The following KDM6A variants were observed in gnomAD, a reference collection of about 807,000 sequenced individuals.
KDM6A encodes the protein lysine demethylase 6A, also known as lysine-specific demethylase 6A.
In KDM6A, 11 loss-of-function variants were observed where a neutral mutation model predicts 117.6. The ratio of observed to expected loss-of-function variants is 0.09; its 90% CI spans 0.06 to 0.15. The LOEUF is 0.15. Among genes scored for constraint, KDM6A ranks in the 10% least tolerant of loss-of-function variants. The pLI is 1.00. For missense variants in KDM6A, 799 were observed against 1,077.3 expected (o/e 0.74, Z 3.62); for synonymous variants, 384 against 396.1 (o/e 0.97, Z 0.36).
chrX:44,892,739 C>T (rs1193048071), intron 2 of KDM6A, among the ~76,000 whole-genome samples: 2 of 108,810 alleles, frequency 1.8e-5, no homozygotes, highest in Non-Finnish European at 3.8e-5. Flanking sequence ...CATGGTGGCT[C>T]ATGCCTGTAA....
intron 4 of KDM6A, among the ~76,000 whole-genome samples, chrX:44,986,936 G>A (rs974402488): frequency 9.0e-6 from 1 of 111,422 alleles, no homozygotes; most frequent in Non-Finnish European, 1.9e-5. Flanking sequence ...TCTGCTTGGT[G>A]CAGAGCTGAG....
At chrX:44,963,426 A>G (rs188458456) in intron 3 of KDM6A, among the ~76,000 whole-genome samples, 3 of 97,474 alleles carry the variant, frequency 3.1e-5, no homozygotes, top group East Asian at 6.5e-4. Flanking sequence ...ACTGCACTCC[A>G]GCCAGGGTGA....
chrX:45,063,295 G>A, intron 16 of KDM6A, 127 bp from the exon 17 acceptor site: 2 of 618,635 alleles, frequency 3.2e-6, no homozygotes, highest in Admixed American at 4.9e-5. Context: ...AAGCATTTGG[G>A]TAAAATCACA....
intron 4 of KDM6A, among the ~76,000 whole-genome samples, chrX:45,005,135 G>C (rs1229489182): frequency 1.8e-5 from 2 of 110,699 alleles, no homozygotes; most frequent in African/African-American, 6.6e-5. Context: ...CCTCACGCTG[G>C]AGTCCTTTTA....
At chrX:45,041,130 C>CCG in intron 8 of KDM6A, among the ~76,000 whole-genome samples, 1 of 78,149 alleles carries the variant, frequency 1.3e-5, no homozygotes, top group Non-Finnish European at 2.4e-5. Flanking sequence ...GGGGCTGACC[C>CCG]CCACCACCTC....
intron 2 of KDM6A, among the ~76,000 whole-genome samples, chrX:44,935,730 A>G (rs776340979): frequency 3.1e-4 from 35 of 111,889 alleles, no homozygotes; most frequent in Non-Finnish European, 6.4e-4. Context: ...ATACTTTGGC[A>G]CTATAAATAT....
intron 4 of KDM6A, among the ~76,000 whole-genome samples, chrX:45,010,459 T>G (rs1271222103): frequency 1.8e-5 from 2 of 111,062 alleles, no homozygotes; most frequent in African/African-American, 3.3e-5. Context: ...GCAAAAGGAG[T>G]CAATGATATT....
intron 4 of KDM6A, among the ~76,000 whole-genome samples, chrX:44,986,510 C>T (rs1252398818): frequency 9.0e-6 from 1 of 111,519 alleles, no homozygotes; most frequent in African/African-American, 3.3e-5. Flanking sequence ...GTTAGGGTGT[C>T]AAGTTTAGAT....
intron 2 of KDM6A, among the ~76,000 whole-genome samples, chrX:44,894,073 A>T (rs1400014974): frequency 8.9e-6 from 1 of 111,928 alleles, no homozygotes; most frequent in Non-Finnish European, 1.9e-5. Flanking sequence ...TAAGATCATG[A>T]CAAGAATATG....
rs1330629414 is a variant in KDM6A, at chrX:45,106,003, C to G, written c.4035-1407C>G. On this transcript the variant is annotated intron_variant, in intron 27 of 29. Transcript: ENST00000611820. The stretch of plus-strand genomic sequence containing the variant: ...AGGTGGAACAATTTCATCCCAAAAC[C>G]ATTCCCCCCCGCCCCTTCCCCTAGG... 4.5e-5 allele frequency among the ~76,000 whole-genome samples: 5 copies of G among 111,604 alleles called. No homozygotes were observed. In the Admixed American group the frequency reaches 4.8e-4, roughly 11 times the overall value.
At chrX:45,081,144 G>T (rs745880807) in intron 21 of KDM6A, among the ~76,000 whole-genome samples, 6 of 111,592 alleles carry the variant, frequency 5.4e-5, no homozygotes, top group Non-Finnish European at 1.1e-4. Flanking sequence ...GTTGGTCAGG[G>T]TGGTCTCGAA....
At chrX:44,988,955 T>A (rs149404624) in intron 4 of KDM6A, among the ~76,000 whole-genome samples, 114 of 109,896 alleles carry the variant, frequency 1.0e-3, no homozygotes, top group African/African-American at 3.5e-3. Context: ...GACATCTAAG[T>A]CTGCAGAGGA....
chrX:44,955,038 T>C (rs2038244457), intron 2 of KDM6A, among the ~76,000 whole-genome samples: 1 of 111,809 alleles, frequency 8.9e-6, no homozygotes, highest in Admixed American at 9.5e-5. Context: ...AGAGAATTTT[T>C]GAACAGTGCC....
chrX:44,999,614 CAT>C (rs1327172986), intron 4 of KDM6A, among the ~76,000 whole-genome samples: 5 of 111,984 alleles, frequency 4.5e-5, no homozygotes, highest in African/African-American at 6.5e-5. Flanking sequence ...AACATACTGA[CAT>C]ATTGATTCTT....
chrX:44,988,968 C>T lies in KDM6A; in HGVS notation c.384+14253C>T, dbSNP rs12853852. Among the ~76,000 whole-genome samples the T allele has an allele frequency of 2.7e-5, 3 of 109,881 alleles. No individual in the cohort carries two copies. The East Asian group carries it at 8.6e-4, about 31-fold the overall frequency. On this transcript the variant is annotated intron_variant, in intron 4 of 29. Coordinates refer to ENST00000611820, the MANE Select transcript of KDM6A (RefSeq NM_001291415.2). Reference sequence around the variant, plus strand: ...GGGACATCTAAGTCTGCAGAGGATTCTGCTGCCTTTTGTTTGGCTATGCCC... The same window carrying T: ...GGGACATCTAAGTCTGCAGAGGATTTTGCTGCCTTTTGTTTGGCTATGCCC...
intron 8 of KDM6A, among the ~76,000 whole-genome samples, chrX:45,040,503 C>T (rs1602683581): frequency 1.3e-5 from 1 of 79,274 alleles, no homozygotes; most frequent in Admixed American, 1.2e-4. Context: ...GGGGCTGACC[C>T]CCCCACCTCC....
intron 2 of KDM6A, among the ~76,000 whole-genome samples, chrX:44,944,569 TTATTTAGGAC>T (rs908695953): frequency 9.0e-6 from 1 of 111,466 alleles, no homozygotes; most frequent in African/African-American, 3.3e-5. Context: ...TTCTCTGCGC[TTATTTAGGAC>T]TATTTAGGAC....
rs1019098154 is a variant in KDM6A, at chrX:45,111,801, A to C, written c.*390A>C. The C allele has an allele frequency of 5.4e-6, 1 of 183,903 alleles. No homozygotes were observed. Among genetic ancestry groups the C allele is most frequent in the Non-Finnish European group, 1.0e-5 (1 of 99,197 alleles). 15.2% of individuals were successfully genotyped at this position (183,903 alleles called of 1,213,427 possible). Reference sequence around the variant, plus strand: ...AAAAAAAATACTAGCCTAGCTGGTCATTTCTTTGTAAGGTAGTTAGCAATT... The same window carrying C: ...AAAAAAAATACTAGCCTAGCTGGTCCTTTCTTTGTAAGGTAGTTAGCAATT... On this transcript the variant is annotated 3_prime_UTR_variant, in exon 30 of 30. Transcript: ENST00000611820.
At chrX:45,037,617 T>C in intron 7 of KDM6A, 38 bp from the exon 8 acceptor site, 2 of 1,153,153 alleles carry the variant, frequency 1.7e-6, no homozygotes, top group Non-Finnish European at 2.4e-6. Flanking sequence ...TTCTGCTGTA[T>C]TGTTACTGAT....
Sources: allele counts gnomAD v4.1 joint callset (sites outside exome capture counted in the v4.1 genomes callset), GRCh38; gene constraint gnomAD v4.1.1; transcripts MANE v1.5; gene names NCBI Gene and HGNC (gene_info 2026-07-23, HGNC 2026-07-21).